NUMB: variants seen among roughly 807,000 people sequenced by gnomAD.
NUMB encodes NUMB endocytic adaptor protein, also known as protein numb homolog.
A neutral mutation model predicts 59.7 loss-of-function variants in NUMB; 29 were observed. The ratio of observed to expected loss-of-function variants is 0.49; its 90% confidence interval spans 0.36 to 0.66. The LOEUF (loss-of-function observed/expected upper bound fraction) is 0.66, where lower values mean the gene tolerates loss of function less well. NUMB is among the 30% of genes least tolerant of loss of function. The pLI, the probability that NUMB is intolerant of heterozygous loss-of-function variation, is 0.00. For missense variants in NUMB, 723 were observed against 822.0 expected, an observed-to-expected ratio of 0.88 and a Z score of 1.47; for synonymous variants, 288 against 288.2, an observed-to-expected ratio of 1.00 and a Z score of 0.01.
chr14:73,315,304 T>TAATAA (rs1462122506), intron 6 of NUMB, among the ~76,000 whole-genome samples: 1 of 152,174 alleles, frequency 6.6e-6, no homozygotes, highest in Non-Finnish European at 1.5e-5. Context: ...AAATTTTTAG[T>TAATAA]AATTTATACT....
At chr14:73,445,380 A>AAAAAAAAC (rs1883411481) in intron 1 of NUMB, among the ~76,000 whole-genome samples, 1 of 142,418 alleles carries the variant, frequency 7.0e-6, no homozygotes, top group Non-Finnish European at 1.5e-5. Context: ...AAAAAAAAAA[A>AAAAAAAAC]AAAAAAAAAA....
intron 8 of NUMB, among the ~76,000 whole-genome samples, chr14:73,289,690 G>T (rs1228549391): frequency 6.6e-6 from 1 of 152,064 alleles, no homozygotes; most frequent in African/African-American, 2.4e-5. Context: ...AAAAACTTTT[G>T]ACTACTTATT....
chr14:73,456,690 T>A (rs1455427551), intron 1 of NUMB, among the ~76,000 whole-genome samples: 2 of 152,254 alleles, frequency 1.3e-5, no homozygotes, highest in Non-Finnish European at 2.9e-5. Context: ...ATAGGATCTT[T>A]TAGGCAATTT....
At chr14:73,386,867 ATTTTTTTTTT>A (rs71112745) in intron 2 of NUMB, among the ~76,000 whole-genome samples, 11 of 79,852 alleles carry the variant, frequency 1.4e-4, no homozygotes, top group East Asian at 5.4e-4. Context: ...CAGGTGTCTT[ATTTTTTTTTT>A]TTTTTTTTTT....
At chr14:73,420,981 GA>G (rs1241377563) in intron 1 of NUMB, among the ~76,000 whole-genome samples, 13 of 151,712 alleles carry the variant, frequency 8.6e-5, no homozygotes, top group African/African-American at 1.5e-4. Context: ...ACAAAATGCG[GA>G]AAAAAAATCT....
At chr14:73,454,533 T>C (rs1884217333) in intron 1 of NUMB, among the ~76,000 whole-genome samples, 2 of 152,162 alleles carry the variant, frequency 1.3e-5, no homozygotes, top group South Asian at 4.1e-4. Flanking sequence ...CAGAGACTTA[T>C]AAAACAAGAC....
At chr14:73,344,239 C>G (rs1307355805) in intron 4 of NUMB, among the ~76,000 whole-genome samples, 4 of 152,078 alleles carry the variant, frequency 2.6e-5, no homozygotes, top group African/African-American at 9.7e-5. Context: ...TCTAATTTGG[C>G]ATAATACTTT....
In NUMB at chr14:73,276,552, A is replaced by G; in HGVS notation, c.*26T>C. The G allele has an allele frequency of 6.3e-7, 1 of 1,578,108 alleles. No individual in the cohort carries two copies. Among genetic ancestry groups the G allele is most frequent in the Non-Finnish European group, 8.7e-7 (1 of 1,153,002 alleles). On this transcript the variant is annotated 3_prime_UTR_variant, in exon 13 of 13. Transcript: ENST00000555238. ...ACCCCCTGCTCCCTGTCTGGTATGG[A>G]CAAGATACATAGCCATAATGATTGC... is the stretch of plus-strand genomic sequence containing the variant.
intron 1 of NUMB, among the ~76,000 whole-genome samples, chr14:73,443,228 T>C (rs1883196380): frequency 6.6e-6 from 1 of 152,168 alleles, no homozygotes; most frequent in South Asian, 2.1e-4. Flanking sequence ...AAAGCTATTT[T>C]TAAAATGCAC....
intron 2 of NUMB, among the ~76,000 whole-genome samples, chr14:73,370,678 G>A (rs1459590008): frequency 2.0e-5 from 3 of 151,248 alleles, no homozygotes; most frequent in Admixed American, 6.6e-5. Flanking sequence ...GGTAACAAGA[G>A]TGAAACTCCG....
At chr14:73,397,130 A>AAAAAC (rs900178101) in intron 2 of NUMB, among the ~76,000 whole-genome samples, 19 of 150,386 alleles carry the variant, frequency 1.3e-4, no homozygotes, top group South Asian at 2.1e-4. Flanking sequence ...GCCGTCTCAA[A>AAAAAC]AAAACAAAAC....
chr14:73,358,607 T>C (rs1411177746), intron 3 of NUMB, among the ~76,000 whole-genome samples: 10 of 77,570 alleles, frequency 1.3e-4, no homozygotes, highest in Non-Finnish European at 4.7e-5. Flanking sequence ...CTAGACTTTT[T>C]TTTTTTTTTT....
chr14:73,372,968 A>G (rs1056864318), intron 2 of NUMB, among the ~76,000 whole-genome samples: 1 of 152,168 alleles, frequency 6.6e-6, no homozygotes, highest in Admixed American at 6.5e-5. Context: ...TTATACTTTT[A>G]GGGTTTTATC....
intron 2 of NUMB, among the ~76,000 whole-genome samples, chr14:73,370,947 T>C (rs932187471): frequency 6.6e-6 from 1 of 152,218 alleles, no homozygotes; most frequent in African/African-American, 2.4e-5. Context: ...TTCATCTGAT[T>C]TGCTTTATCA....
At chr14:73,414,592 C>A (rs1290310432) in intron 1 of NUMB, among the ~76,000 whole-genome samples, 2 of 152,018 alleles carry the variant, frequency 1.3e-5, no homozygotes, top group African/African-American at 4.8e-5. Context: ...CACCATGATG[C>A]CCAGGCTAGT....
chr14:73,360,084 T>C (rs940093810), intron 3 of NUMB, among the ~76,000 whole-genome samples: 1 of 152,204 alleles, frequency 6.6e-6, no homozygotes, highest in Non-Finnish European at 1.5e-5. Flanking sequence ...TCTTTAAAAA[T>C]GTAAAATGGA....
intron 1 of NUMB, among the ~76,000 whole-genome samples, chr14:73,422,063 G>T (rs992501899): frequency 1.3e-5 from 2 of 152,062 alleles, no homozygotes; most frequent in Middle Eastern, 6.8e-3. Context: ...AGAATCGCTT[G>T]AATCTGGGAG....
At chr14:73,289,177 T>C (rs1419270237) in intron 8 of NUMB, among the ~76,000 whole-genome samples, 1 of 149,412 alleles carries the variant, frequency 6.7e-6, no homozygotes, top group Non-Finnish European at 1.5e-5. Context: ...CTAGCTCTAA[T>C]TCCCAACTCT....
rs200992841 is a variant in NUMB at position 73,354,118 on chromosome 14, AT to A, written c.126+1507del. On this transcript the variant is annotated intron_variant, in intron 4 of 12. Transcript: ENST00000555238. ...AATCACTTTTCCTGTCATATGGAAG[AT>A]TTTTTTTTTCCCTTCAGAAGCTTTA... Among the ~76,000 whole-genome samples the A allele has an allele frequency of 2.2e-4, 33 of 150,550 alleles. No homozygotes were observed. The East Asian group carries it at 4.3e-3, about 20-fold the overall frequency.
Sources: allele counts gnomAD v4.1 joint callset (sites outside exome capture counted in the v4.1 genomes callset), GRCh38; gene constraint gnomAD v4.1.1; transcripts MANE v1.5; gene names NCBI Gene and HGNC (gene_info 2026-07-23, HGNC 2026-07-21).